AKAP6: variants seen among roughly 807,000 people sequenced by gnomAD.
AKAP6 encodes A-kinase anchoring protein 6, also known as A-kinase anchor protein 6.
A neutral mutation model predicts 188.5 loss-of-function variants in AKAP6; 58 were observed. That is an observed-to-expected ratio of 0.31 (90% confidence interval 0.25 to 0.38). AKAP6 has a LOEUF of 0.38. Ranked by LOEUF, AKAP6 falls within the 10% of genes least tolerant of loss-of-function variation. The probability of loss-of-function intolerance (pLI) is 1.00; values close to 1 mark genes in which losing one functional copy is unlikely to be tolerated. For missense variants in AKAP6, 2,710 were observed against 2,740.0 expected, an observed-to-expected ratio of 0.99 and a Z score of 0.24; for synonymous variants, 989 against 998.6, an observed-to-expected ratio of 0.99 and a Z score of 0.18.
intron 2 of AKAP6, among the ~76,000 whole-genome samples, chr14:32,516,527 C>T (rs563667311): frequency 2.2e-4 from 34 of 152,250 alleles, no homozygotes; most frequent in Admixed American, 7.8e-4. Context: ...CCTAGTCTTT[C>T]GCTTCAGTAC....
At position 32,547,003 on chromosome 14, in the gene AKAP6, A is replaced by T. The variant is rs558692768; in HGVS notation, c.2346+4A>T. ...AGCCATATGGGAAAAAATAGAGGTA[A>T]GGTGGTTTTCTTAACATGAATGATT... is the stretch of plus-strand genomic sequence containing the variant. On this transcript the variant is annotated splice_donor_region_variant and intron_variant, in intron 4 of 13. Transcript: ENST00000280979. 15 of 1,584,026 alleles carry T rather than the reference A, an allele frequency of 9.5e-6. No individual in the cohort carries two copies. In the South Asian group the frequency reaches 1.6e-4, roughly 17 times the overall value.
At chr14:32,357,455 A>G (rs1236601620) in intron 1 of AKAP6, among the ~76,000 whole-genome samples, 1 of 152,220 alleles carries the variant, frequency 6.6e-6, no homozygotes, top group Non-Finnish European at 1.5e-5. Context: ...CTTTTCTCCC[A>G]TATCACATCT....
In AKAP6 at chr14:32,824,611, A is replaced by G; in HGVS notation, c.6798A>G (p.Glu2266=). ...AACCAGGTGAATCTGGAATGCCAGA[A>G]GAACATAATGCTGCTTCAGCCAAAT... ...SGKPGESGMP[E]EHNAASAKSK... is the part of the protein sequence containing the mutation. The change falls in exon 13 of 14, where the codon GAA becomes GAG. Residue 2266 remains glutamate (E), a synonymous_variant. Transcript: ENST00000280979. 1 of 1,613,960 alleles carries G rather than the reference A, an allele frequency of 6.2e-7. No individual in the cohort carries two copies. Among genetic ancestry groups the G allele is most frequent in the African/African-American group, 1.3e-5 (1 of 75,050 alleles).
At chr14:32,673,028 C>A (rs570793689) in intron 7 of AKAP6, among the ~76,000 whole-genome samples, 8 of 152,248 alleles carry the variant, frequency 5.3e-5, no homozygotes, top group Admixed American at 5.2e-4. Context: ...TCCACTTTAG[C>A]CTCTATATCC....
Position 32,824,662 on chromosome 14 carries a change from G to C in AKAP6, c.6849G>C (p.Lys2283Asn). ...AKSKVQDLSL[K>N]ANQPTDKAAL... is the part of the protein sequence containing the mutation. ...CTAAAGTTCAAGACCTCTCCTTGAA[G>C]GCAAATCAGCCAACAGACAAGGCCG... is the stretch of plus-strand genomic sequence containing the variant. The change falls in exon 13 of 14, where the codon AAG becomes AAC. Residue 2283 changes from lysine (K) to asparagine (N), a missense_variant. Coordinates refer to ENST00000280979, the MANE Select transcript of AKAP6 (RefSeq NM_004274.5). The C allele has an allele frequency of 6.2e-7, 1 of 1,613,868 alleles. No individual in the cohort carries two copies. Among genetic ancestry groups the C allele is most frequent in the East Asian group, 2.2e-5 (1 of 44,874 alleles).
intron 9 of AKAP6, among the ~76,000 whole-genome samples, chr14:32,731,102 T>C (rs1391011959): frequency 6.6e-6 from 1 of 152,206 alleles, no homozygotes; most frequent in African/African-American, 2.4e-5. Context: ...TGAAATGCTT[T>C]AAATCACCTC....
chr14:32,501,241 T>A (rs956089532), intron 2 of AKAP6, among the ~76,000 whole-genome samples: 3 of 152,188 alleles, frequency 2.0e-5, no homozygotes, highest in African/African-American at 7.2e-5. Flanking sequence ...TCAAATTCTT[T>A]TTTGCACACA....
Position 32,777,683 on chromosome 14 carries a change from G to A in AKAP6, c.3588+3790G>A, listed in dbSNP as rs973392773. On this transcript the variant is annotated intron_variant, in intron 12 of 13. Transcript: ENST00000280979. ...AGAGCAAAATAAAATCAGAGCATCA[G>A]TGAGCTCTGAGGTATCTTCAAGCAG... is the stretch of plus-strand genomic sequence containing the variant. Among the ~76,000 whole-genome samples the A allele has an allele frequency of 2.0e-5, 3 of 152,154 alleles. No homozygotes were observed. In the South Asian group the frequency reaches 6.2e-4, roughly 32 times the overall value.
chr14:32,386,065 C>T (rs1233912565), intron 1 of AKAP6, among the ~76,000 whole-genome samples: 13 of 151,034 alleles, frequency 8.6e-5, no homozygotes, highest in Admixed American at 5.3e-4. Flanking sequence ...GTTGGTTTCA[C>T]GTTTCTGCAA....
chr14:32,631,097 T>C (rs1448496685), intron 7 of AKAP6, among the ~76,000 whole-genome samples: 1 of 152,090 alleles, frequency 6.6e-6, no homozygotes, highest in African/African-American at 2.4e-5. Context: ...ATACTTTCCA[T>C]GTCTCATTTT....
chr14:32,339,147 A>G (rs546678495), intron 1 of AKAP6, among the ~76,000 whole-genome samples: 3 of 152,088 alleles, frequency 2.0e-5, no homozygotes, highest in Non-Finnish European at 4.4e-5. Flanking sequence ...ATTTTTGTCT[A>G]TTTTGTTCAT....
chr14:32,680,704 C>T (rs187884565), intron 8 of AKAP6, among the ~76,000 whole-genome samples: 21 of 152,316 alleles, frequency 1.4e-4, no homozygotes, highest in African/African-American at 4.8e-4. Context: ...TGAGCTGCTA[C>T]ACTGAATGGT....
chr14:32,678,182 C>G, intron 7 of AKAP6, 129 bp from the exon 8 acceptor site: 1 of 911,282 alleles, frequency 1.1e-6, no homozygotes, highest in Non-Finnish European at 1.6e-6. Context: ...CAACTGATCC[C>G]ATTAAATCCA....
intron 7 of AKAP6, among the ~76,000 whole-genome samples, chr14:32,601,651 G>A (rs192168308): frequency 1.6e-4 from 25 of 152,294 alleles, no homozygotes; most frequent in Non-Finnish European, 3.1e-4. Context: ...TGTAACATGG[G>A]GGAAACATAT....
Position 32,824,221 on chromosome 14 carries a change from A to G in AKAP6, c.6408A>G (p.Pro2136=), listed in dbSNP as rs1247504145. ...ACATAGAAGAGAAAAGCAGCACTCC[A>G]TTGCCACTAGACACCACTGACTCGG... ...TNYIEEKSST[P]LPLDTTDSGL... The change falls in exon 13 of 14, where the codon CCA becomes CCG. Residue 2136 remains proline, a synonymous_variant. Coordinates refer to ENST00000280979, the MANE Select transcript of AKAP6 (RefSeq NM_004274.5). The G allele has an allele frequency of 6.2e-7, 1 of 1,613,980 alleles. No homozygotes were observed.
chr14:32,587,964 A>C (rs1464836630), intron 5 of AKAP6, among the ~76,000 whole-genome samples: 9 of 152,194 alleles, frequency 5.9e-5, no homozygotes, highest in Admixed American at 5.9e-4. Context: ...GTACATGGTA[A>C]AGGTGGAGCA....
chr14:32,824,030 A>C lies in AKAP6; in HGVS notation c.6217A>C (p.Ser2073Arg). Reference sequence around the variant, plus strand: ...TGACATGGCTTCGACAGCCCTAAAAAGTAAATCTCAACCTGAAAACGAGGT... The same window carrying C: ...TGACATGGCTTCGACAGCCCTAAAACGTAAATCTCAACCTGAAAACGAGGT... Reference protein sequence around the residue: ...IIDMASTALKSKSQPENEVAA... With the variant: ...IIDMASTALKRKSQPENEVAA... Residue 2073 changes from serine to arginine, a missense_variant, in exon 13 of 14, where the codon AGT (serine) becomes CGT (arginine). This residue lies in a region of AKAP6 where 2,473 missense variants were observed against 2,426.1 expected (regional missense o/e 1.02). Coordinates refer to ENST00000280979, the MANE Select transcript of AKAP6 (RefSeq NM_004274.5). 6.2e-7 allele frequency: 1 copy of C among 1,613,944 alleles called. No individual in the cohort carries two copies. Among genetic ancestry groups the C allele is most frequent in the South Asian group, 1.1e-5 (1 of 91,076 alleles).
Position 32,662,275 on chromosome 14 carries a change from A to C in AKAP6, c.2731-16036A>C, listed in dbSNP as rs190600816. 7.2e-5 allele frequency among the ~76,000 whole-genome samples: 11 copies of C among 152,238 alleles called. No individual in the cohort carries two copies. In the East Asian group the frequency reaches 2.1e-3, roughly 29 times the overall value. On this transcript the variant is annotated intron_variant, in intron 7 of 13. Coordinates refer to ENST00000280979, the MANE Select transcript of AKAP6 (RefSeq NM_004274.5). ...TCTGACTAACAGTAGAATGTTTGTC[A>C]TTTTAAAAAAATACACTTCTCTCTT... is the stretch of plus-strand genomic sequence containing the variant.
At chr14:32,539,568 A>C (rs966154470) in intron 3 of AKAP6, among the ~76,000 whole-genome samples, 4 of 152,188 alleles carry the variant, frequency 2.6e-5, no homozygotes, top group African/African-American at 9.7e-5. Flanking sequence ...TTAGATGTGG[A>C]AGAGGGAGAC....
Sources: gnomAD v4.1 joint callset for allele counts (sites outside exome capture counted in the v4.1 genomes callset) on GRCh38, gnomAD v4.1.1 for gene constraint, gnomAD v4.1.1 regional missense constraint, MANE v1.5 for transcripts, NCBI Gene and HGNC (gene_info 2026-07-23, HGNC 2026-07-21) for gene names.